CYP46A1: variants seen among roughly 807,000 people sequenced by gnomAD.
CYP46A1 encodes the protein cholesterol 24-hydroxylase.
Under a neutral mutation model 63.3 loss-of-function variants are expected in CYP46A1, and 20 were observed. The observed-to-expected ratio is 0.32, with a 90% CI of 0.22 to 0.46. The LOEUF is 0.46. Ranked by LOEUF, CYP46A1 falls within the 20% of genes least tolerant of loss-of-function variation. CYP46A1 has a pLI of 1.00. For missense variants in CYP46A1, 445 were observed against 670.8 expected, an observed-to-expected ratio of 0.66 and a Z score of 3.72; for synonymous variants, 268 against 273.6, an observed-to-expected ratio of 0.98 and a Z score of 0.20.
chr14:99,701,139 A>T lies in CYP46A1; in HGVS notation c.443+1038A>T, dbSNP rs1268018817. 2.6e-5 allele frequency among the ~76,000 whole-genome samples: 4 copies of T among 152,382 alleles called. 1 individual carries two copies. Among genetic ancestry groups the T allele is most frequent in the Admixed American group, 2.6e-4 (4 of 15,312 alleles). ...ATTACAAGAGTCAAAAATATTTAAA[A>T]AATGAGAAGTTTATAAAGTAAAAAG... On this transcript the variant is annotated intron_variant, in intron 5 of 14. Coordinates refer to ENST00000261835, the MANE Select transcript of CYP46A1 (RefSeq NM_006668.2).
chr14:99,700,229 A>T (rs1595190221), intron 5 of CYP46A1, 128 bp downstream of exon 5: 1 of 524,070 alleles, frequency 1.9e-6, no homozygotes, highest in African/African-American at 2.0e-5. Context: ...GGGAGAGAGG[A>T]AAAAGGGGAA....
chr14:99,716,024 C>T lies in CYP46A1; in HGVS notation c.844+64C>T. ...GGGCCAGGACGTTCCCCAGGTGATA[C>T]ATCGCCACTGACTCTGTTTGGCTTA... On this transcript the variant is annotated intron_variant, in intron 8 of 14. Transcript: ENST00000261835. 9 of 1,604,434 alleles carry T rather than the reference C, an allele frequency of 5.6e-6. 1 individual carries two copies. The South Asian group carries it at 8.9e-5, about 16-fold the overall frequency.
chr14:99,715,920 C>A lies in CYP46A1; in HGVS notation c.804C>A (p.Gly268=). Residue 268 remains glycine (G), a synonymous_variant, in exon 8 of 15, where the codon GGC becomes GGA. Coordinates refer to ENST00000261835, the MANE Select transcript of CYP46A1 (RefSeq NM_006668.2). The part of the protein sequence containing the change: ...VQRRREALKR[G]EEVPADILTQ... ...GCCGCCGGGAAGCCCTGAAGAGGGG[C>A]GAGGAGGTTCCTGCCGACATCCTCA... 1 of 1,541,168 alleles carries A rather than the reference C, an allele frequency of 6.5e-7. No homozygotes were observed. The highest frequency in any genetic ancestry group is 8.8e-7 in the Non-Finnish European group (1 of 1,135,694).
intron 7 of CYP46A1, chr14:99,710,543 TAAAAC>T (rs1468258347): frequency 6.6e-6 from 1 of 152,030 alleles, no homozygotes; most frequent in African/African-American, 2.4e-5. Flanking sequence ...TTATATCAAA[TAAAAC>T]AGACTTTAAG....
chr14:99,722,174 C>G lies in CYP46A1; in HGVS notation c.1176+108C>G, dbSNP rs889808866. On this transcript the variant is annotated intron_variant, in intron 12 of 14. Coordinates refer to ENST00000261835, the MANE Select transcript of CYP46A1 (RefSeq NM_006668.2). This position sits in a 1 kb window ranked among gnomAD's most constrained non-coding sequence, Gnocchi z 4.6. ...TGTGGCCCTGTTCCCATCATTGCAA[C>G]GGGCCTCACTGGCTGCCCTGGTCTT... is the stretch of plus-strand genomic sequence containing the variant. 5.4e-6 allele frequency: 4 copies of G among 745,284 alleles called. No homozygotes were observed. The South Asian group carries it at 6.8e-5, about 13-fold the overall frequency. The allele number at this position is 745,284 out of a possible 1,614,324, so 46.2% of individuals were successfully genotyped here. A position where few individuals can be genotyped will look rare whatever the true frequency, so the allele number is the denominator to read the frequency against.
intron 3 of CYP46A1, among the ~76,000 whole-genome samples, chr14:99,693,806 T>C (rs978916290): frequency 6.6e-6 from 1 of 152,236 alleles, no homozygotes; most frequent in African/African-American, 2.4e-5. Context: ...TTACATTGTA[T>C]GTTTTAAATT....
chr14:99,685,910 C>T (rs1025414114), intron 1 of CYP46A1, among the ~76,000 whole-genome samples: 2 of 152,164 alleles, frequency 1.3e-5, no homozygotes, highest in African/African-American at 4.8e-5. Flanking sequence ...AATGCTAACT[C>T]CTCAGGGAGG....
chr14:99,726,498 C>A (rs1175471764), intron 14 of CYP46A1, 59 bp from the exon 15 acceptor site: 8 of 1,437,846 alleles, frequency 5.6e-6, no homozygotes, highest in African/African-American at 1.4e-5. Context: ...GCTGCTCATT[C>A]ACTCACTCAT....
chr14:99,691,666 G>A lies in CYP46A1; in HGVS notation c.201-114G>A, dbSNP rs148710724. On this transcript the variant is annotated intron_variant, in intron 2 of 14. Transcript: ENST00000261835. ...GCCCCAGGACAGCACTCTTTTGGTAGCATGCATTGAGCACCTTCTGGGACG... is the reference window on the plus strand; with the variant it reads ...GCCCCAGGACAGCACTCTTTTGGTAACATGCATTGAGCACCTTCTGGGACG... 412 of 942,382 alleles carry A rather than the reference G, an allele frequency of 4.4e-4. 2 individuals are homozygous for A. The African/African-American group carries it at 5.7e-3, about 13-fold the overall frequency. The allele number at this position is 942,382 out of a possible 1,614,324, so 58.4% of individuals were successfully genotyped here. A position where few individuals can be genotyped will look rare whatever the true frequency, so the allele number is the denominator to read the frequency against.
intron 7 of CYP46A1, among the ~76,000 whole-genome samples, chr14:99,713,893 C>T (rs1249158463): frequency 1.6e-5 from 2 of 125,152 alleles, no homozygotes; most frequent in Admixed American, 8.0e-5. Flanking sequence ...AAAAAAAAGA[C>T]GTGTGACTAT....
At chr14:99,714,614 G>T (rs1382220241) in intron 7 of CYP46A1, among the ~76,000 whole-genome samples, 1 of 152,016 alleles carries the variant, frequency 6.6e-6, no homozygotes, top group Non-Finnish European at 1.5e-5. Flanking sequence ...CAAAAAATTA[G>T]CCAGGCATGG....
At chr14:99,684,836 C>T in intron 1 of CYP46A1, 1 of 495,692 alleles carries the variant, frequency 2.0e-6, no homozygotes, top group Non-Finnish European at 3.9e-6. Context: ...CGCTCAGAGG[C>T]GAAGTCACCT....
In CYP46A1 at chr14:99,706,874, C is replaced by G. The variant is rs1004549023; in HGVS notation, c.582+89C>G. ...TCCCTCTTCCCTTCTCTCTTCCCCT[C>G]CCTCCTGCTCCTCTAACATACCAGC... On this transcript the variant is annotated intron_variant, in intron 6 of 14. Coordinates refer to ENST00000261835, the MANE Select transcript of CYP46A1 (RefSeq NM_006668.2). The G allele has an allele frequency of 7.1e-5, 103 of 1,450,288 alleles. No individual in the cohort carries two copies. The African/African-American group carries it at 1.3e-3, about 19-fold the overall frequency. 89.8% of individuals were successfully genotyped at this position (1,450,288 alleles called of 1,614,324 possible).
At position 99,690,292 on chromosome 14, in the gene CYP46A1, T is replaced by G. The variant is rs548199840; in HGVS notation, c.120-789T>G. 3.3e-5 allele frequency among the ~76,000 whole-genome samples: 5 copies of G among 152,342 alleles called. No individual in the cohort carries two copies. In the South Asian group the frequency reaches 1.0e-3, roughly 32 times the overall value. On this transcript the variant is annotated intron_variant, in intron 1 of 14. Coordinates refer to ENST00000261835, the MANE Select transcript of CYP46A1 (RefSeq NM_006668.2). ...GCTTAGCGTTCCAATAATGGAACAC[T>G]AGGCATAAATGGGTTTTAAACGGAC...
intron 1 of CYP46A1, among the ~76,000 whole-genome samples, chr14:99,689,794 G>C (rs1309168037): frequency 2.6e-5 from 4 of 152,120 alleles, no homozygotes; most frequent in Non-Finnish European, 5.9e-5. Flanking sequence ...CCTGTCACTA[G>C]TGTCCCTGCT....
In CYP46A1 at chr14:99,726,217, C is replaced by T. The variant is rs2056895460; in HGVS notation, c.1293C>T (p.Ser431=). ...CACGGTTCACCTACTTCCCCTTCTC[C>T]CTGGGCCACCGCTCCTGCATCGGGC... ...PKPRFTYFPF[S]LGHRSCIGQQ... is the part of the protein sequence containing the mutation. Residue 431 remains serine (S), a synonymous_variant, in exon 14 of 15, where the codon TCC becomes TCT. Coordinates refer to ENST00000261835, the MANE Select transcript of CYP46A1 (RefSeq NM_006668.2). 5 of 1,613,846 alleles carry T rather than the reference C, an allele frequency of 3.1e-6. No individual in the cohort carries two copies. Among genetic ancestry groups the T allele is most frequent in the Non-Finnish European group, 4.2e-6 (5 of 1,179,990 alleles).
In CYP46A1 at chr14:99,715,055, T is replaced by G. The variant is rs147945446; in HGVS notation, c.694-755T>G. ...GTTAATGGGTACAAACATACAGTTA[T>G]GTAGAAGGAGTAAGTTTTAGTGTCA... On this transcript the variant is annotated intron_variant, in intron 7 of 14. Transcript: ENST00000261835. Among the ~76,000 whole-genome samples, 1,366 of 152,198 alleles carry G rather than the reference T, an allele frequency of 9.0e-3. 20 individuals are homozygous for G. Among genetic ancestry groups the G allele is most frequent in the African/African-American group, 0.031 (1,282 of 41,518 alleles).
rs777455722 is a variant in CYP46A1 at position 99,721,333 on chromosome 14, G to A, written c.1065+10G>A. The A allele has an allele frequency of 1.9e-5, 30 of 1,587,236 alleles. No homozygotes were observed. Among genetic ancestry groups the A allele is most frequent in the Non-Finnish European group, 2.4e-5 (28 of 1,155,492 alleles). ...GCAGTACCTGTCCCAGGTGTGGGAA[G>A]TAGGAGGGAAGCTTCTGGGCGGATG... On this transcript the variant is annotated intron_variant, in intron 11 of 14. Coordinates refer to ENST00000261835, the MANE Select transcript of CYP46A1 (RefSeq NM_006668.2).
intron 3 of CYP46A1, among the ~76,000 whole-genome samples, chr14:99,695,276 A>G (rs1037391171): frequency 6.6e-6 from 1 of 152,344 alleles, no homozygotes; most frequent in East Asian, 1.9e-4. Flanking sequence ...ATTGTTGAAT[A>G]AAGTGTTTTA....
Sources: allele counts gnomAD v4.1 joint callset (sites outside exome capture counted in the v4.1 genomes callset), GRCh38; gene constraint gnomAD v4.1.1; non-coding constraint Gnocchi (gnomAD v3.1); transcripts MANE v1.5; gene names NCBI Gene and HGNC (gene_info 2026-07-23, HGNC 2026-07-21).